PELI2: variants seen among roughly 807,000 people sequenced by gnomAD.
The protein encoded by PELI2 is E3 ubiquitin-protein ligase pellino homolog 2.
Under a neutral mutation model 42.3 loss-of-function variants are expected in PELI2, and 23 were observed. That is an observed-to-expected ratio of 0.54 (90% CI 0.39 to 0.77). PELI2 has a LOEUF of 0.77. PELI2 is among the 30% of genes least tolerant of loss of function. The probability of loss-of-function intolerance (pLI) is 0.00; values close to 1 mark genes in which losing one functional copy is unlikely to be tolerated. For missense variants in PELI2, 463 were observed against 553.2 expected (o/e 0.84, Z 1.64); for synonymous variants, 245 against 212.2 (o/e 1.15, Z -1.34).
At chr14:56,278,982 A>G (rs1443436239) in intron 2 of PELI2, among the ~76,000 whole-genome samples, 1 of 152,200 alleles carries the variant, frequency 6.6e-6, no homozygotes, top group Non-Finnish European at 1.5e-5. Flanking sequence ...ACATATCACT[A>G]TGGACAAAAT....
In PELI2 at chr14:56,197,969, GACACACACACACACACACACACAC is replaced by G. The variant is rs4038318; in HGVS notation, c.207+19526_207+19549del. Among the ~76,000 whole-genome samples the G allele has an allele frequency of 1.5e-5, 2 of 129,702 alleles. No individual in the cohort carries two copies. Among genetic ancestry groups the G allele is most frequent in the South Asian group, 2.6e-4 (1 of 3,796 alleles). The allele number at this position is 129,702 out of a possible 152,430, so 85.1% of individuals were successfully genotyped here. A position where few individuals can be genotyped will look rare whatever the true frequency, so the allele number is the denominator to read the frequency against. ...CACACCAGGGATCATGACTGGTGAA[GACACACACACACACACACACACAC>G]ACACACACACACACACACACCCACC... On this transcript the variant is annotated intron_variant, in intron 2 of 5. Coordinates refer to ENST00000267460, the MANE Select transcript of PELI2 (RefSeq NM_021255.3). The surrounding 1 kb of genome is among the most constrained non-coding windows in gnomAD (Gnocchi z 4.9).
At chr14:56,277,249 C>T (rs1035722120) in intron 2 of PELI2, among the ~76,000 whole-genome samples, 2 of 152,036 alleles carry the variant, frequency 1.3e-5, no homozygotes, top group African/African-American at 4.8e-5. Flanking sequence ...TATTTATAGC[C>T]GCTCCCCATT....
At chr14:56,122,545 A>ACT (rs1025271584) in intron 1 of PELI2, among the ~76,000 whole-genome samples, 26 of 150,720 alleles carry the variant, frequency 1.7e-4, no homozygotes, top group African/African-American at 6.3e-4. Flanking sequence ...AATATTGCTT[A>ACT]CTCTCTTAGT....
chr14:56,253,370 G>T (rs1042366252), intron 2 of PELI2, among the ~76,000 whole-genome samples: 1 of 152,148 alleles, frequency 6.6e-6, no homozygotes, highest in South Asian at 2.1e-4. Flanking sequence ...GCAAGATAAA[G>T]AAATAAAGCG....
At position 56,266,734 on chromosome 14, in the gene PELI2, G is replaced by T. The variant is rs538958126; in HGVS notation, c.208-12942G>T. Among the ~76,000 whole-genome samples, 1,052 of 152,096 alleles carry T rather than the reference G, an allele frequency of 6.9e-3. 7 individuals are homozygous for T. Among genetic ancestry groups the T allele is most frequent in the African/African-American group, 0.02 (844 of 41,554 alleles). ...ATGTACCATTTGATTGAACAATTTT[G>T]TTTCTAGGAATTTGTCCTATAGATA... On this transcript the variant is annotated intron_variant, in intron 2 of 5. Transcript: ENST00000267460.
At chr14:56,186,375 C>T (rs974318460) in intron 2 of PELI2, among the ~76,000 whole-genome samples, 3 of 152,132 alleles carry the variant, frequency 2.0e-5, no homozygotes, top group Admixed American at 6.5e-5. Flanking sequence ...CCCTGTCAGC[C>T]CCTTGATTTT....
intron 2 of PELI2, among the ~76,000 whole-genome samples, chr14:56,210,657 A>G (rs1372946482): frequency 6.6e-6 from 1 of 152,172 alleles, no homozygotes; most frequent in Non-Finnish European, 1.5e-5. Flanking sequence ...GAATAGATTG[A>G]AAGTCTCTGC....
chr14:56,171,841 C>A (rs1885181347), intron 1 of PELI2, among the ~76,000 whole-genome samples: 1 of 152,064 alleles, frequency 6.6e-6, no homozygotes, highest in Admixed American at 6.5e-5. Flanking sequence ...TATGGCGAAA[C>A]CCTGTCTCTG....
At position 56,235,380 on chromosome 14, in the gene PELI2, T is replaced by C. The variant is rs867815509; in HGVS notation, c.208-44296T>C. On this transcript the variant is annotated intron_variant, in intron 2 of 5. Transcript: ENST00000267460. Reference sequence around the variant, plus strand: ...AAATCTTTGAAAATGCACATTGTACTTAAAGGGAACATGGAGAAACTCAGT... The same window carrying C: ...AAATCTTTGAAAATGCACATTGTACCTAAAGGGAACATGGAGAAACTCAGT... Among the ~76,000 whole-genome samples the C allele has an allele frequency of 4.6e-5, 7 of 152,238 alleles. No homozygotes were observed. In the South Asian group the frequency reaches 6.2e-4, roughly 14 times the overall value.
At chr14:56,286,894 G>A (rs1889663806) in intron 3 of PELI2, among the ~76,000 whole-genome samples, 1 of 152,154 alleles carries the variant, frequency 6.6e-6, no homozygotes, top group African/African-American at 2.4e-5. Context: ...TAAGTGTCAT[G>A]ACTTAAAATC....
intron 1 of PELI2, among the ~76,000 whole-genome samples, chr14:56,138,639 G>A (rs754998978): frequency 1.1e-4 from 16 of 152,298 alleles, no homozygotes; most frequent in Admixed American, 2.0e-4. Flanking sequence ...TTAGTGACGT[G>A]TGAATAATAA....
At chr14:56,233,067 A>G (rs1453228667) in intron 2 of PELI2, among the ~76,000 whole-genome samples, 2 of 152,190 alleles carry the variant, frequency 1.3e-5, no homozygotes, top group Non-Finnish European at 2.9e-5. Flanking sequence ...GGACCTCTTC[A>G]AGGAGAACTA....
chr14:56,259,550 C>T (rs918978393), intron 2 of PELI2, among the ~76,000 whole-genome samples: 6 of 152,078 alleles, frequency 3.9e-5, no homozygotes, highest in Non-Finnish European at 7.4e-5. Flanking sequence ...ATGGTATGAT[C>T]GTCTCCATAT....
intron 2 of PELI2, among the ~76,000 whole-genome samples, chr14:56,269,009 T>A (rs976820254): frequency 6.6e-6 from 1 of 152,194 alleles, no homozygotes; most frequent in African/African-American, 2.4e-5. Context: ...TTTTCATTTA[T>A]GGTAACTAAT....
intron 2 of PELI2, among the ~76,000 whole-genome samples, chr14:56,253,306 T>C (rs1012244572): frequency 2.6e-5 from 4 of 152,162 alleles, no homozygotes; most frequent in African/African-American, 9.7e-5. Flanking sequence ...AACGATGACT[T>C]CTCTCACCAG....
At chr14:56,266,650 G>T (rs999188374) in intron 2 of PELI2, among the ~76,000 whole-genome samples, 2 of 152,008 alleles carry the variant, frequency 1.3e-5, no homozygotes, top group Non-Finnish European at 2.9e-5. Flanking sequence ...ATGCAAATTG[G>T]TGTAACTTCT....
Position 56,230,537 on chromosome 14 carries a change from C to G in PELI2, c.208-49139C>G, listed in dbSNP as rs185454381. Among the ~76,000 whole-genome samples the G allele has an allele frequency of 3.5e-3, 536 of 152,214 alleles. 6 individuals carry two copies. Among genetic ancestry groups the G allele is most frequent in the Middle Eastern group, 0.017 (5 of 294 alleles). On this transcript the variant is annotated intron_variant, in intron 2 of 5. Coordinates refer to ENST00000267460, the MANE Select transcript of PELI2 (RefSeq NM_021255.3). ...TGAAGGAGAAATAAAATCCTTTACA[C>G]ACAAGCAAATGCTGAGAGATTTTGT...
chr14:56,199,676 C>T (rs1292561387), intron 2 of PELI2, among the ~76,000 whole-genome samples: 5 of 152,184 alleles, frequency 3.3e-5, no homozygotes, highest in Non-Finnish European at 7.3e-5. Flanking sequence ...CTGATTTAAA[C>T]ACAGACCCTA....
chr14:56,250,224 G>C (rs1257005589), intron 2 of PELI2, among the ~76,000 whole-genome samples: 1 of 152,184 alleles, frequency 6.6e-6, no homozygotes, highest in Non-Finnish European at 1.5e-5. Context: ...GGCCACACTG[G>C]AAACATTTCT....
Sources: allele counts gnomAD v4.1 joint callset (sites outside exome capture counted in the v4.1 genomes callset), GRCh38; gene constraint gnomAD v4.1.1; non-coding constraint Gnocchi (gnomAD v3.1); transcripts MANE v1.5; gene names NCBI Gene and HGNC (gene_info 2026-07-23, HGNC 2026-07-21).